Variants in DNM1L observed in about 807,000 individuals in gnomAD.
DNM1L encodes dynamin 1L.
A neutral mutation model predicts 92.8 loss-of-function variants in DNM1L; 33 were observed. The observed-to-expected ratio is 0.36, with a 90% CI of 0.27 to 0.48. The LOEUF (loss-of-function observed/expected upper bound fraction) is 0.48, where lower values mean the gene tolerates loss of function less well. Ranked by LOEUF, DNM1L falls within the 20% of genes least tolerant of loss-of-function variation. The pLI, the probability that DNM1L is intolerant of heterozygous loss-of-function variation, is 0.99. For missense variants in DNM1L, 485 were observed against 888.8 expected, an observed-to-expected ratio of 0.55 and a Z score of 5.78; for synonymous variants, 284 against 305.0, an observed-to-expected ratio of 0.93 and a Z score of 0.72.
intron 13 of DNM1L, among the ~76,000 whole-genome samples, chr12:32,734,764 G>A (rs139212962): frequency 0.033 from 5,029 of 152,166 alleles, 130 homozygotes; most frequent in Non-Finnish European, 0.056. Context: ...AGCTGAGATC[G>A]CGCCATTGCA....
intron 1 of DNM1L, among the ~76,000 whole-genome samples, chr12:32,699,443 G>C (rs1452470844): frequency 6.6e-6 from 1 of 152,106 alleles, no homozygotes; most frequent in East Asian, 1.9e-4. Context: ...GAGAAATACA[G>C]AAAGCCATTA....
intron 9 of DNM1L, among the ~76,000 whole-genome samples, chr12:32,723,229 G>T (rs570432137): frequency 6.6e-6 from 1 of 151,456 alleles, no homozygotes; most frequent in South Asian, 2.1e-4. Flanking sequence ...TTTTGGAACT[G>T]GAAAAATGGC....
chr12:32,738,586 T>C (rs537291522), intron 16 of DNM1L, among the ~76,000 whole-genome samples: 25 of 152,338 alleles, frequency 1.6e-4, no homozygotes, highest in Non-Finnish European at 3.5e-4. Flanking sequence ...ATTGTATTTT[T>C]GGACATTTCC....
chr12:32,743,320 A>T (rs374108373), intron 19 of DNM1L, 34 bp from the exon 20 acceptor site: 2 of 1,592,302 alleles, frequency 1.3e-6, no homozygotes, highest in Non-Finnish European at 1.7e-6. Context: ...TAACTTTATA[A>T]TAAGCATTTA....
At position 32,739,948 on chromosome 12, in the gene DNM1L, G is replaced by T. The variant is rs868000591; in HGVS notation, c.1708-116G>T. On this transcript the variant is annotated intron_variant, in intron 16 of 19. Transcript: ENST00000549701. ...CTCCTTCTGACCTCATTATCTGTCT[G>T]AATAAACTTCAGATGGGTACTGGAT... 281 of 1,351,210 alleles carry T rather than the reference G, an allele frequency of 2.1e-4. 3 individuals are homozygous for T. The Middle Eastern group carries it at 6.3e-3, about 30-fold the overall frequency. 83.7% of individuals were successfully genotyped at this position (1,351,210 alleles called of 1,614,324 possible).
intron 9 of DNM1L, chr12:32,726,885 G>A (rs1592648605): frequency 1.4e-5 from 9 of 657,550 alleles, no homozygotes; most frequent in Non-Finnish European, 2.2e-5. Context: ...CACTTCATTT[G>A]TAAAATATTT....
chr12:32,739,014 T>C (rs1955099028), intron 16 of DNM1L, among the ~76,000 whole-genome samples: 9 of 152,168 alleles, frequency 5.9e-5, no homozygotes, highest in Admixed American at 5.9e-4. Flanking sequence ...ATGTGCTCTC[T>C]CTCCTTAAGA....
rs1258206811 is a variant in DNM1L, at chr12:32,718,080, CATATTTT to C, written c.620-558_620-552del. ...ATACATATTTTATATATATACTATA[CATATTTT>C]ATATATATACTATATATATTTTATA... On this transcript the variant is annotated intron_variant, in intron 6 of 19. Transcript: ENST00000549701. Among the ~76,000 whole-genome samples, 12 of 130,886 alleles carry C rather than the reference CATATTTT, an allele frequency of 9.2e-5. No homozygotes were observed. In the East Asian group the frequency reaches 1.9e-3, roughly 21 times the overall value. The allele number at this position is 130,886 out of a possible 152,430, so 85.9% of individuals were successfully genotyped here. A position where few individuals can be genotyped will look rare whatever the true frequency, so the allele number is the denominator to read the frequency against.
chr12:32,688,096 T>A lies in DNM1L; in HGVS notation c.102+8631T>A, dbSNP rs140240823. 4.7e-3 allele frequency among the ~76,000 whole-genome samples: 720 copies of A among 152,176 alleles called. 5 individuals carry two copies. Among genetic ancestry groups the A allele is most frequent in the Middle Eastern group, 0.01 (3 of 294 alleles). On this transcript the variant is annotated intron_variant, in intron 1 of 19. Coordinates refer to ENST00000549701, the MANE Select transcript of DNM1L (RefSeq NM_012062.5). ...CCCACCACCATGCCTGGCTAATATT[T>A]GTTTTTTTAGTAGAGATGGGGTTTC...
chr12:32,692,043 G>T (rs1378625852), intron 1 of DNM1L, among the ~76,000 whole-genome samples: 1 of 152,058 alleles, frequency 6.6e-6, no homozygotes, highest in Non-Finnish European at 1.5e-5. Context: ...AAATGTTACT[G>T]CATGGAGAAA....
chr12:32,687,957 C>T (rs1952088062), intron 1 of DNM1L, among the ~76,000 whole-genome samples: 1 of 152,068 alleles, frequency 6.6e-6, no homozygotes, highest in Non-Finnish European at 1.5e-5. Flanking sequence ...GGTAGTCTTA[C>T]TCTGTCGCCC....
rs764294998 is a variant in DNM1L at position 32,745,055 on chromosome 12, C to T, written c.*1645C>T. On this transcript the variant is annotated 3_prime_UTR_variant, in exon 20 of 20. Transcript: ENST00000549701. ...TCAATTTACTAAGGAACAACAGGCT[C>T]ACCAACTGATGTCAAACATAAAAAC... The T allele has an allele frequency of 1.2e-5, 6 of 501,652 alleles. No individual in the cohort carries two copies. The highest frequency in any genetic ancestry group is 1.2e-4 in the African/African-American group (6 of 50,704). The allele number at this position is 501,652 out of a possible 1,614,324, so 31.1% of individuals were successfully genotyped here. A position where few individuals can be genotyped will look rare whatever the true frequency, so the allele number is the denominator to read the frequency against.
intron 5 of DNM1L, 96 bp from the exon 6 acceptor site, chr12:32,713,113 T>A: frequency 1.7e-6 from 2 of 1,199,210 alleles, no homozygotes; most frequent in Admixed American, 2.3e-5. Flanking sequence ...TAACTATTTT[T>A]AAATGGATAT....
In DNM1L at chr12:32,679,654, G is replaced by A; in HGVS notation, c.102+189G>A. Reference sequence around the variant, plus strand: ...GCACCCGCCCTCCCGGGGCAGCGTTGCATCAAGGCGGAGAATCCGGGGCCC... The same window carrying A: ...GCACCCGCCCTCCCGGGGCAGCGTTACATCAAGGCGGAGAATCCGGGGCCC... On this transcript the variant is annotated intron_variant, in intron 1 of 19. Transcript: ENST00000549701. 2.7e-5 allele frequency: 35 copies of A among 1,295,824 alleles called. No individual in the cohort carries two copies. The South Asian group carries it at 7.5e-4, about 28-fold the overall frequency. 80.3% of individuals were successfully genotyped at this position (1,295,824 alleles called of 1,614,324 possible).
intron 2 of DNM1L, among the ~76,000 whole-genome samples, chr12:32,702,882 A>G (rs1433270208): frequency 6.6e-6 from 1 of 152,172 alleles, no homozygotes; most frequent in Non-Finnish European, 1.5e-5. Context: ...TTTCTCTAAT[A>G]CTTATTGAAG....
rs536976724 is a variant in DNM1L, at chr12:32,686,742, C to T, written c.102+7277C>T. On this transcript the variant is annotated intron_variant, in intron 1 of 19. Transcript: ENST00000549701. The stretch of plus-strand genomic sequence containing the variant: ...ACAGCAGCTACACCATTTTAAAATT[C>T]CCACCAGCAATGTTTGAAGGGTGCA... 1.1e-3 allele frequency among the ~76,000 whole-genome samples: 174 copies of T among 152,238 alleles called. 1 individual carries two copies. Among genetic ancestry groups the T allele is most frequent in the Non-Finnish European group, 2.2e-3 (148 of 68,020 alleles).
chr12:32,737,025 T>G, intron 13 of DNM1L, 80 bp from the exon 14 acceptor site: 1 of 1,469,460 alleles, frequency 6.8e-7, no homozygotes. Flanking sequence ...CTCCACACTT[T>G]TCAATTAACA....
chr12:32,741,608 C>G (rs979500535), intron 18 of DNM1L, among the ~76,000 whole-genome samples: 26 of 152,168 alleles, frequency 1.7e-4, no homozygotes, highest in Non-Finnish European at 7.3e-5. Flanking sequence ...TAAGCCTCAT[C>G]CATACTGTAG....
intron 15 of DNM1L, 69 bp from the exon 16 acceptor site, chr12:32,738,195 T>C (rs1955034493): frequency 1.3e-6 from 2 of 1,564,958 alleles, no homozygotes; most frequent in South Asian, 2.2e-5. Context: ...CCTGCACTTT[T>C]TGAATTTCAA....
Sources: allele counts gnomAD v4.1 joint callset (sites outside exome capture counted in the v4.1 genomes callset), GRCh38; gene constraint gnomAD v4.1.1; transcripts MANE v1.5; gene names NCBI Gene and HGNC (gene_info 2026-07-23, HGNC 2026-07-21).